Variants in RNF115 observed in about 807,000 individuals in gnomAD.
RNF115 encodes the protein ring finger protein 115.
RNF115 carries 31 observed loss-of-function variants against 39.2 expected under a neutral mutation model. The ratio of observed to expected loss-of-function variants is 0.79; its 90% CI spans 0.59 to 1.07. The LOEUF (loss-of-function observed/expected upper bound fraction) is 1.07, where lower values mean the gene tolerates loss of function less well. RNF115 is among the 50% of genes least tolerant of loss of function. The probability of loss-of-function intolerance (pLI) is 0.00; values close to 1 mark genes in which losing one functional copy is unlikely to be tolerated. For synonymous variants in RNF115, 124 were observed against 131.0 expected, an observed-to-expected ratio of 0.95 and a Z score of 0.37; for missense variants, 384 against 381.7, an observed-to-expected ratio of 1.01 and a Z score of -0.05.
intron 8 of RNF115, 103 bp from the exon 9 acceptor site, chr1:145,747,100 C>A: frequency 1.6e-6 from 2 of 1,215,210 alleles, no homozygotes. Context: ...AAAATTATGA[C>A]ATGGAACAGA....
Position 145,740,783 on chromosome 1 carries a change from T to C in RNF115, c.*6083A>G, listed in dbSNP as rs587617491. ...AATCATAGCAGCTTTTTGTTATGTA[T>C]TCTTTAATCAAAAATACTAATAATA... is the stretch of plus-strand genomic sequence containing the variant. On this transcript the variant is annotated 3_prime_UTR_variant, in exon 9 of 9. Coordinates refer to ENST00000582693, the MANE Select transcript of RNF115 (RefSeq NM_014455.4). 6.6e-6 allele frequency: 1 copy of C among 152,374 alleles called. No homozygotes were observed. Among genetic ancestry groups the C allele is most frequent in the South Asian group, 2.1e-4 (1 of 4,828 alleles). 9.4% of individuals were successfully genotyped at this position (152,374 alleles called of 1,614,324 possible). A position where few individuals can be genotyped will look rare whatever the true frequency, so the allele number is the denominator to read the frequency against.
chr1:145,811,187 C>T (rs1268756704), intron 1 of RNF115, among the ~76,000 whole-genome samples: 1 of 151,914 alleles, frequency 6.6e-6, no homozygotes, highest in East Asian at 1.9e-4. Context: ...TTAATATGCA[C>T]TAAATGTCCA....
chr1:145,787,570 A>C (rs1553718272), intron 2 of RNF115, among the ~76,000 whole-genome samples: 2 of 29,402 alleles, frequency 6.8e-5, no homozygotes. Context: ...AGACTCCGTC[A>C]CAAAAAAAAA....
intron 1 of RNF115, among the ~76,000 whole-genome samples, chr1:145,798,524 G>A (rs1452794267): frequency 2.0e-5 from 3 of 152,092 alleles, no homozygotes; most frequent in Non-Finnish European, 4.4e-5. Flanking sequence ...TTGTCTATAT[G>A]TCTGTTGTTA....
chr1:145,791,824 TA>T (rs1166613565), intron 1 of RNF115, among the ~76,000 whole-genome samples: 2 of 152,210 alleles, frequency 1.3e-5, no homozygotes, highest in African/African-American at 2.4e-5. Flanking sequence ...AACTACCTAT[TA>T]AAATAGACCT....
In RNF115 at chr1:145,746,859, T is replaced by C. The variant is rs781904681; in HGVS notation, c.*7A>G. On this transcript the variant is annotated 3_prime_UTR_variant, in exon 9 of 9. Transcript: ENST00000582693. The stretch of plus-strand genomic sequence containing the variant: ...CCACAGCCCTGATTCAGGTGTGGTC[T>C]TTAGCTTCAGAAAGTCCATCGGTCA... 6.2e-7 allele frequency: 1 copy of C among 1,613,920 alleles called. No individual in the cohort carries two copies. Among genetic ancestry groups the C allele is most frequent in the South Asian group, 1.1e-5 (1 of 91,014 alleles).
intron 4 of RNF115, among the ~76,000 whole-genome samples, chr1:145,763,741 T>C (rs1658625559): frequency 1.3e-5 from 2 of 152,128 alleles, no homozygotes; most frequent in African/African-American, 4.8e-5. Flanking sequence ...AAAATAAAGA[T>C]GGGTTTTAAT....
At chr1:145,757,180 T>C (rs1449314679) in intron 4 of RNF115, among the ~76,000 whole-genome samples, 2 of 152,002 alleles carry the variant, frequency 1.3e-5, no homozygotes, top group African/African-American at 2.4e-5. Context: ...ATTAGGGCCC[T>C]TCCTGATCCA....
At chr1:145,808,373 T>C (rs1185628930) in intron 1 of RNF115, among the ~76,000 whole-genome samples, 2 of 152,202 alleles carry the variant, frequency 1.3e-5, no homozygotes, top group Non-Finnish European at 2.9e-5. Context: ...TTTTTAATAA[T>C]GGCCATTCTA....
At chr1:145,748,815 C>T (rs1410455715) in intron 7 of RNF115, among the ~76,000 whole-genome samples, 3 of 150,456 alleles carry the variant, frequency 2.0e-5, no homozygotes, top group African/African-American at 7.4e-5. Flanking sequence ...ACCCGGGAGG[C>T]GGAGGTTGCA....
At chr1:145,765,298 C>A (rs1658726726) in intron 4 of RNF115, among the ~76,000 whole-genome samples, 1 of 152,134 alleles carries the variant, frequency 6.6e-6, no homozygotes, top group African/African-American at 2.4e-5. Flanking sequence ...GCCGCAGGGC[C>A]CTCTGCCTAG....
intron 1 of RNF115, among the ~76,000 whole-genome samples, chr1:145,792,876 C>T (rs1553719202): frequency 6.6e-6 from 1 of 152,136 alleles, no homozygotes; most frequent in African/African-American, 2.4e-5. Context: ...CCACTACACA[C>T]ATAAAGGATG....
At chr1:145,798,455 C>T (rs1649082876) in intron 1 of RNF115, among the ~76,000 whole-genome samples, 1 of 152,130 alleles carries the variant, frequency 6.6e-6, no homozygotes, top group African/African-American at 2.4e-5. Context: ...GTCCTAGCAC[C>T]TCTGTCCAAG....
chr1:145,798,774 T>C (rs587771769), intron 1 of RNF115, among the ~76,000 whole-genome samples: 1 of 152,344 alleles, frequency 6.6e-6, no homozygotes, highest in Admixed American at 6.5e-5. Context: ...CTTAACAATA[T>C]TAAGTCTTCC....
chr1:145,784,543 G>T lies in RNF115; in HGVS notation c.215C>A (p.Ala72Glu). 1 of 1,613,678 alleles carries T rather than the reference G, an allele frequency of 6.2e-7. No homozygotes were observed. The highest frequency in any genetic ancestry group is 8.5e-7 in the Non-Finnish European group (1 of 1,179,660). The change falls in exon 3 of 9, where the codon GCA (alanine) becomes GAA (glutamate). Residue 72 changes from alanine to glutamate, a missense_variant. Physicochemically the swap from Ala to Glu is moderately radical, Grantham distance 107. Transcript: ENST00000582693. ...RIDNTTTTHFAELWGHLDHTM... is the reference protein window; with the variant it reads ...RIDNTTTTHFEELWGHLDHTM... ...TACAGCTAAAGGAAAACTTACCTCT[G>T]CAAAATGTGTTGTTGTGGTATTGTC...
chr1:145,799,458 T>G (rs189070376), intron 1 of RNF115, among the ~76,000 whole-genome samples: 1 of 152,196 alleles, frequency 6.6e-6, no homozygotes, highest in Non-Finnish European at 1.5e-5. Flanking sequence ...TTTTCTTGCC[T>G]AAATTGGCTC....
intron 4 of RNF115, among the ~76,000 whole-genome samples, chr1:145,756,467 A>C (rs781850268): frequency 1.3e-5 from 2 of 152,016 alleles, no homozygotes; most frequent in Non-Finnish European, 2.9e-5. Flanking sequence ...CAAAAAAAAA[A>C]CAAAAAAAAC....
In RNF115 at chr1:145,807,110, C is replaced by T. The variant is rs113905061; in HGVS notation, c.102+16662G>A. The stretch of plus-strand genomic sequence containing the variant: ...CAGTTACTGAATAAATAAAAATGGA[C>T]TGCTGTTACTGTTGCATAATCTAGT... On this transcript the variant is annotated intron_variant, in intron 1 of 8. Transcript: ENST00000582693. Among the ~76,000 whole-genome samples the T allele has an allele frequency of 6.4e-3, 970 of 152,318 alleles. 11 individuals are homozygous for T. The highest frequency in any genetic ancestry group is 0.022 in the African/African-American group (929 of 41,572).
intron 1 of RNF115, among the ~76,000 whole-genome samples, chr1:145,811,927 A>ATG (rs1649742698): frequency 2.5e-5 from 3 of 119,246 alleles, no homozygotes; most frequent in Admixed American, 1.8e-4. Context: ...ATATATATAT[A>ATG]TATATACACA....
Sources: allele counts gnomAD v4.1 joint callset (sites outside exome capture counted in the v4.1 genomes callset), GRCh38; gene constraint gnomAD v4.1.1; transcripts MANE v1.5; gene names NCBI Gene and HGNC (gene_info 2026-07-23, HGNC 2026-07-21).